The following WDFY3 variants were observed in gnomAD, a reference collection of about 807,000 sequenced individuals.
WDFY3 encodes the protein WD repeat and FYVE domain-containing protein 3.
In WDFY3, 66 loss-of-function variants were observed where a neutral mutation model predicts 409.6. That is an observed-to-expected ratio of 0.16 (90% CI 0.13 to 0.20). The LOEUF (loss-of-function observed/expected upper bound fraction) is 0.20, where lower values mean the gene tolerates loss of function less well. Ranked by LOEUF, WDFY3 falls within the 10% of genes least tolerant of loss-of-function variation. The pLI is 1.00. For missense variants in WDFY3, 3,031 were observed against 4,298.1 expected (o/e 0.71, Z 8.24); for synonymous variants, 1,521 against 1,537.1 (o/e 0.99, Z 0.25).
chr4:84,887,114 A>T (rs532232756), intron 3 of WDFY3, among the ~76,000 whole-genome samples: 3 of 152,296 alleles, frequency 2.0e-5, no homozygotes, highest in African/African-American at 7.2e-5. Context: ...CAATTCATTT[A>T]AGATAGACAT....
chr4:84,861,116 T>C (rs1486505360), intron 3 of WDFY3, among the ~76,000 whole-genome samples: 1 of 151,978 alleles, frequency 6.6e-6, no homozygotes, highest in Non-Finnish European at 1.5e-5. Context: ...GAGGCTGAGG[T>C]GGGAAGATAA....
At chr4:84,868,542 C>T (rs1578895612) in intron 3 of WDFY3, among the ~76,000 whole-genome samples, 1 of 152,038 alleles carries the variant, frequency 6.6e-6, no homozygotes, top group African/African-American at 2.4e-5. Flanking sequence ...TCTATGGACC[C>T]ATCATACTAT....
chr4:84,752,365 A>T (rs1740681121), intron 35 of WDFY3, among the ~76,000 whole-genome samples: 1 of 151,882 alleles, frequency 6.6e-6, no homozygotes. Context: ...AATACAAAAA[A>T]ATTGGCCAGG....
chr4:84,831,264 GA>G (rs1049953072), intron 8 of WDFY3, 148 bp downstream of exon 8: 46 of 560,756 alleles, frequency 8.2e-5, no homozygotes, highest in Non-Finnish European at 1.0e-4. Flanking sequence ...CCCCACAGAT[GA>G]AAAAAAATAT....
chr4:84,703,658 T>G (rs1483330638), intron 55 of WDFY3, among the ~76,000 whole-genome samples: 2 of 152,190 alleles, frequency 1.3e-5, no homozygotes, highest in Non-Finnish European at 2.9e-5. Context: ...TCTCCAGATG[T>G]CTGCAGAAGC....
chr4:84,785,718 A>G (rs1194933952), intron 24 of WDFY3, among the ~76,000 whole-genome samples: 3 of 152,226 alleles, frequency 2.0e-5, no homozygotes, highest in Non-Finnish European at 4.4e-5. Flanking sequence ...TTAGTTTTCT[A>G]AAGTTAAATT....
At chr4:84,873,838 A>G (rs986083750) in intron 3 of WDFY3, among the ~76,000 whole-genome samples, 4 of 151,552 alleles carry the variant, frequency 2.6e-5, no homozygotes, top group Non-Finnish European at 5.9e-5. Flanking sequence ...GCTGGAGTGC[A>G]GCGGTATGAT....
At chr4:84,927,557 G>C (rs1462877246) in intron 2 of WDFY3, among the ~76,000 whole-genome samples, 1 of 152,174 alleles carries the variant, frequency 6.6e-6, no homozygotes, top group Non-Finnish European at 1.5e-5. Flanking sequence ...ATTTCACCTT[G>C]AATTGTAATC....
intron 51 of WDFY3, among the ~76,000 whole-genome samples, chr4:84,711,565 T>C (rs1056043309): frequency 6.6e-6 from 1 of 152,022 alleles, no homozygotes; most frequent in African/African-American, 2.4e-5. Context: ...AAAAAATTAA[T>C]ATACAGGCCA....
In WDFY3 at chr4:84,702,467, C is replaced by T; in HGVS notation, c.8482G>A (p.Val2828Met). ...GACGCTGAATACCAGGCCTCGCGCA[C>T]ACTGTGAAACATCCGGTCAGCCAGG... The part of the protein sequence containing the change: ...FDLADRMFHS[V>M]REAWYSASKH... Residue 2828 changes from valine (V) to methionine (M), a missense_variant, in exon 56 of 68, where the codon GTG becomes ATG. Physicochemically the swap from Val to Met is conservative, Grantham distance 21 (BLOSUM62 1). This residue lies in a region of WDFY3 where 129 missense variants were observed against 305.3 expected (regional missense o/e 0.42). Transcript: ENST00000295888. 1.9e-6 allele frequency: 3 copies of T among 1,612,912 alleles called. No individual in the cohort carries two copies. Among genetic ancestry groups the T allele is most frequent in the Non-Finnish European group, 2.5e-6 (3 of 1,179,702 alleles).
intron 5 of WDFY3, among the ~76,000 whole-genome samples, chr4:84,848,337 TA>T (rs1487603151): frequency 6.6e-6 from 1 of 152,076 alleles, no homozygotes; most frequent in Non-Finnish European, 1.5e-5. Context: ...TGTAAGAGCC[TA>T]AATTATAAAA....
rs534092742 is a variant in WDFY3 at position 84,803,578 on chromosome 4, G to T, written c.2430-111C>A. The T allele has an allele frequency of 6.0e-5, 71 of 1,185,390 alleles. No individual in the cohort carries two copies. The Admixed American group carries it at 1.1e-3, about 18-fold the overall frequency. 73.4% of individuals were successfully genotyped at this position (1,185,390 alleles called of 1,614,324 possible). On this transcript the variant is annotated intron_variant, in intron 15 of 67. Transcript: ENST00000295888. ...AAAGCCTTGTTAGAAAACACCTTAAGGTTGGGATAGAAAAAAAGGAATATA... is the reference window on the plus strand; with the variant it reads ...AAAGCCTTGTTAGAAAACACCTTAATGTTGGGATAGAAAAAAAGGAATATA...
chr4:84,915,801 A>G (rs754728882), intron 2 of WDFY3, among the ~76,000 whole-genome samples: 3 of 152,174 alleles, frequency 2.0e-5, no homozygotes, highest in Non-Finnish European at 2.9e-5. Context: ...GACCTCAATT[A>G]ACAGGAACTG....
chr4:84,718,652 A>G, intron 47 of WDFY3, 82 bp from the exon 48 acceptor site: 1 of 1,466,190 alleles, frequency 6.8e-7, no homozygotes, highest in Non-Finnish European at 9.2e-7. Context: ...GCATCCCTAG[A>G]GCTAAGCATA....
At chr4:84,779,435 T>C (rs1252596252) in intron 26 of WDFY3, among the ~76,000 whole-genome samples, 1 of 152,096 alleles carries the variant, frequency 6.6e-6, no homozygotes, top group African/African-American at 2.4e-5. Context: ...TTTTTTTTTT[T>C]TGAGTCTTGC....
chr4:84,756,440 C>T (rs1018466007), intron 33 of WDFY3, among the ~76,000 whole-genome samples: 12 of 151,800 alleles, frequency 7.9e-5, no homozygotes, highest in African/African-American at 2.9e-4. Flanking sequence ...CAAAAATTAG[C>T]CCAGCGGGGT....
At chr4:84,703,427 C>T (rs920093496) in intron 55 of WDFY3, among the ~76,000 whole-genome samples, 2 of 152,282 alleles carry the variant, frequency 1.3e-5, no homozygotes, top group South Asian at 2.1e-4. Flanking sequence ...ACCTGTCTTA[C>T]GATGCTCACT....
chr4:84,772,656 C>T (rs906615924), intron 30 of WDFY3, among the ~76,000 whole-genome samples, 179 bp downstream of exon 30: 3 of 152,046 alleles, frequency 2.0e-5, no homozygotes, highest in Non-Finnish European at 2.9e-5. Context: ...GTAGGCAATA[C>T]TGTATAGGCT....
intron 57 of WDFY3, 124 bp from the exon 58 acceptor site, chr4:84,696,306 T>C: frequency 1.2e-6 from 1 of 848,394 alleles, no homozygotes; most frequent in Admixed American, 2.7e-5. Context: ...CAACATAGTA[T>C]TCCCCTCTTA....
Sources: gnomAD v4.1 joint callset for allele counts (sites outside exome capture counted in the v4.1 genomes callset) on GRCh38, gnomAD v4.1.1 for gene constraint, gnomAD v4.1.1 regional missense constraint, MANE v1.5 for transcripts, NCBI Gene and HGNC (gene_info 2026-07-23, HGNC 2026-07-21) for gene names.